The following AFF2 variants were observed in gnomAD, a reference collection of about 807,000 sequenced individuals.
AFF2 encodes ALF transcription elongation factor 2.
AFF2 carries 14 observed loss-of-function variants against 76.9 expected under a neutral mutation model. The ratio of observed to expected loss-of-function variants is 0.18; its 90% CI spans 0.12 to 0.28. AFF2 has a LOEUF of 0.28. Ranked by LOEUF, AFF2 falls within the 10% of genes least tolerant of loss-of-function variation. The pLI, the probability that AFF2 is intolerant of heterozygous loss-of-function variation, is 1.00. For missense variants in AFF2, 868 were observed against 1,001.1 expected (o/e 0.87, Z 1.79); for synonymous variants, 398 against 366.7 (o/e 1.09, Z -0.98).
At chrX:148,984,283 GA>G (rs1467626979) in intron 19 of AFF2, among the ~76,000 whole-genome samples, 2 of 111,608 alleles carry the variant, frequency 1.8e-5, no homozygotes, top group Non-Finnish European at 3.8e-5. Flanking sequence ...GCTTAGAGGT[GA>G]GAGGATGGTG....
At chrX:148,508,314 T>C (rs185633980) in intron 1 of AFF2, among the ~76,000 whole-genome samples, 17 of 112,361 alleles carry the variant, frequency 1.5e-4, no homozygotes, top group African/African-American at 5.2e-4. Context: ...GAGTCAGTTT[T>C]TGTGTTTTGT....
chrX:148,598,346 T>G (rs2053594620), intron 1 of AFF2, among the ~76,000 whole-genome samples: 1 of 111,717 alleles, frequency 9.0e-6, no homozygotes, highest in African/African-American at 3.3e-5. Flanking sequence ...AGGAGATAGT[T>G]CTGGCTCTGA....
chrX:148,694,876 C>T (rs782116554), intron 3 of AFF2, among the ~76,000 whole-genome samples: 9 of 93,045 alleles, frequency 9.7e-5, no homozygotes, highest in East Asian at 3.4e-4. Flanking sequence ...AGTGCAGTGG[C>T]GCGATCTCTG....
intron 1 of AFF2, among the ~76,000 whole-genome samples, chrX:148,559,713 T>A (rs1207529569): frequency 8.9e-6 from 1 of 112,070 alleles, no homozygotes; most frequent in Non-Finnish European, 1.9e-5. Flanking sequence ...TCTTTGCTAT[T>A]GTGAATAATG....
intron 19 of AFF2, among the ~76,000 whole-genome samples, chrX:148,982,457 T>G (rs1399245869): frequency 1.8e-5 from 2 of 111,806 alleles, no homozygotes; most frequent in Non-Finnish European, 3.8e-5. Flanking sequence ...TGTGGAAGCC[T>G]AGGAGAAGGA....
chrX:148,971,743 ATTTCTTTT>A (rs2072256435), intron 15 of AFF2, among the ~76,000 whole-genome samples: 1 of 13,934 alleles, frequency 7.2e-5, no homozygotes, highest in Non-Finnish European at 1.4e-4. Context: ...TTTTTTTTCT[ATTTCTTTT>A]TTTTTTTTTT....
At chrX:148,506,888 T>G (rs1258226623) in intron 1 of AFF2, among the ~76,000 whole-genome samples, 3 of 112,271 alleles carry the variant, frequency 2.7e-5, no homozygotes, top group Non-Finnish European at 5.6e-5. Flanking sequence ...GTTACTTGCC[T>G]GAATTTGCAC....
chrX:148,811,500 T>C (rs2070202110), intron 4 of AFF2, among the ~76,000 whole-genome samples: 1 of 112,033 alleles, frequency 8.9e-6, no homozygotes, highest in Admixed American at 9.4e-5. Flanking sequence ...ATTCAGTCCT[T>C]GCTCACTTGT....
intron 1 of AFF2, among the ~76,000 whole-genome samples, chrX:148,646,249 C>A (rs2054142166): frequency 9.0e-6 from 1 of 111,591 alleles, no homozygotes; most frequent in Non-Finnish European, 1.9e-5. Context: ...TGTGAATATG[C>A]TAAAAACCAC....
chrX:148,981,681 G>T (rs2072396102), intron 19 of AFF2, among the ~76,000 whole-genome samples: 1 of 111,967 alleles, frequency 8.9e-6, no homozygotes. Context: ...CTAGATGACT[G>T]TGGACATAGA....
intron 9 of AFF2, among the ~76,000 whole-genome samples, chrX:148,949,386 G>A (rs1487310296): frequency 9.0e-6 from 1 of 110,648 alleles, no homozygotes; most frequent in Non-Finnish European, 1.9e-5. Flanking sequence ...CACCTTAAAC[G>A]CCTCCCCAGC....
At chrX:148,807,750 T>G (rs2070155451) in intron 3 of AFF2, among the ~76,000 whole-genome samples, 1 of 112,744 alleles carries the variant, frequency 8.9e-6, no homozygotes, top group Non-Finnish European at 1.9e-5. Flanking sequence ...TATAATCCTT[T>G]GACCTTTGTA....
At chrX:148,744,588 T>G (rs1411955393) in intron 3 of AFF2, among the ~76,000 whole-genome samples, 2 of 111,084 alleles carry the variant, frequency 1.8e-5, no homozygotes, top group Non-Finnish European at 3.8e-5. Flanking sequence ...TCTTCAGAAT[T>G]ATAATTTTAA....
At position 148,662,145 on chromosome X, in the gene AFF2, T is replaced by C; in HGVS notation, c.418T>C (p.Ser140Pro). The C allele has an allele frequency of 8.3e-7, 1 of 1,209,922 alleles. No homozygotes were observed. The highest frequency in any genetic ancestry group is 1.1e-6 in the Non-Finnish European group (1 of 894,073). Reference protein sequence around the residue: ...THPSAPMPPPSVVILNSTLIH... With the variant: ...THPSAPMPPPPVVILNSTLIH... ...TCCTTCAGCACCAATGCCTCCACCT[T>C]CTGTTGTGATACTGAATTCAACTCT... The change falls in exon 3 of 21, where the codon TCT becomes CCT. Residue 140 changes from serine (S) to proline (P), a missense_variant. Physicochemically the swap from Ser to Pro is moderately conservative, Grantham distance 74. Around this residue, in one of 6 missense-constraint regions of AFF2, gnomAD observed 196 missense variants for 194.8 expected, o/e 1.01. Coordinates refer to ENST00000370460, the MANE Select transcript of AFF2 (RefSeq NM_002025.4).
intron 1 of AFF2, among the ~76,000 whole-genome samples, chrX:148,560,959 A>G (rs1325256792): frequency 1.8e-5 from 2 of 111,529 alleles, no homozygotes; most frequent in Non-Finnish European, 3.8e-5. Context: ...CTGGTCATCC[A>G]TCAATACTTT....
At chrX:148,888,613 C>T (rs2124156996) in intron 8 of AFF2, among the ~76,000 whole-genome samples, 1 of 111,763 alleles carries the variant, frequency 8.9e-6, no homozygotes, top group African/African-American at 3.3e-5. Context: ...TAATATAGTG[C>T]CATGCATATA....
intron 18 of AFF2, among the ~76,000 whole-genome samples, chrX:148,979,236 A>C (rs2072363674): frequency 8.9e-6 from 1 of 111,866 alleles, no homozygotes; most frequent in African/African-American, 3.3e-5. Context: ...ATCATACCAA[A>C]GTAGTTGTTT....
chrX:148,502,350 G>T (rs1381350935), intron 1 of AFF2, among the ~76,000 whole-genome samples: 1 of 112,222 alleles, frequency 8.9e-6, no homozygotes, highest in Non-Finnish European at 1.9e-5. Context: ...GATATTTTAG[G>T]CAATTTCCTT....
chrX:148,674,157 A>G (rs2054455061), intron 3 of AFF2, among the ~76,000 whole-genome samples: 2 of 112,374 alleles, frequency 1.8e-5, no homozygotes, highest in South Asian at 7.4e-4. Context: ...AATTTGATAT[A>G]TGGATACTGA....
Sources: gnomAD v4.1 joint callset for allele counts (sites outside exome capture counted in the v4.1 genomes callset) on GRCh38, gnomAD v4.1.1 for gene constraint, gnomAD v4.1.1 regional missense constraint, MANE v1.5 for transcripts, NCBI Gene and HGNC (gene_info 2026-07-23, HGNC 2026-07-21) for gene names.